Variants in SMG6 observed in about 807,000 individuals in gnomAD.
The protein encoded by SMG6 is SMG6 nonsense mediated mRNA decay factor, also known as telomerase-binding protein EST1A.
In SMG6, 66 loss-of-function variants were observed where a neutral mutation model predicts 142.2. That is an observed-to-expected ratio of 0.46 (90% CI 0.38 to 0.57). The LOEUF (loss-of-function observed/expected upper bound fraction) is 0.57, where lower values mean the gene tolerates loss of function less well. SMG6 is among the 20% of genes least tolerant of loss of function. SMG6 has a pLI of 0.00. For synonymous variants in SMG6, 779 were observed against 702.4 expected (o/e 1.11, Z -1.72); for missense variants, 1,793 against 1,832.0 (o/e 0.98, Z 0.39).
intron 17 of SMG6, 83 bp from the exon 18 acceptor site, chr17:2,065,237 G>T: frequency 7.9e-7 from 1 of 1,269,054 alleles, no homozygotes; most frequent in Non-Finnish European, 1.1e-6. Flanking sequence ...CTGCCTCGGG[G>T]GCCCTGGGCA....
chr17:2,208,876 T>C lies in SMG6; in HGVS notation c.2870-20361A>G, dbSNP rs576948561. ...TGGTACACACGTATCGTGGGATAGATAGCCGTTAAAAAGCGTAACATGTCC... is the reference window on the plus strand; with the variant it reads ...TGGTACACACGTATCGTGGGATAGACAGCCGTTAAAAAGCGTAACATGTCC... On this transcript the variant is annotated intron_variant, in intron 10 of 18. Coordinates refer to ENST00000263073, the MANE Select transcript of SMG6 (RefSeq NM_017575.5). Among the ~76,000 whole-genome samples, 8 of 152,320 alleles carry C rather than the reference T, an allele frequency of 5.3e-5. No individual in the cohort carries two copies. In the South Asian group the frequency reaches 1.5e-3, roughly 28 times the overall value.
intron 13 of SMG6, among the ~76,000 whole-genome samples, chr17:2,106,577 A>C (rs1273952340): frequency 6.6e-6 from 1 of 152,160 alleles, no homozygotes; most frequent in Admixed American, 6.6e-5. Context: ...CACAGGAATA[A>C]CTCCGAGGAC....
intron 2 of SMG6, 121 bp from the exon 3 acceptor site, chr17:2,298,176 T>G (rs1024025312): frequency 1.1e-5 from 9 of 797,190 alleles, no homozygotes; most frequent in African/African-American, 1.7e-5. Context: ...TGTGACCAGG[T>G]AGGTATACTA....
chr17:2,097,291 A>AC (rs1364704924), intron 13 of SMG6, among the ~76,000 whole-genome samples: 1 of 151,870 alleles, frequency 6.6e-6, no homozygotes, highest in East Asian at 1.9e-4. Context: ...GATAGCTGGG[A>AC]CCACAGGTGC....
chr17:2,130,748 A>T (rs1012654087), intron 13 of SMG6, among the ~76,000 whole-genome samples: 2 of 120,136 alleles, frequency 1.7e-5, no homozygotes, highest in African/African-American at 5.3e-5. Context: ...CAAGTGGTTT[A>T]AAAAAAAAAA....
At chr17:2,233,833 C>T (rs569205561) in intron 10 of SMG6, among the ~76,000 whole-genome samples, 1 of 152,324 alleles carries the variant, frequency 6.6e-6, no homozygotes, top group East Asian at 1.9e-4. Context: ...CGCCCCTGTC[C>T]CAATGGCAGC....
intron 13 of SMG6, among the ~76,000 whole-genome samples, chr17:2,116,763 C>A (rs1360773516): frequency 2.6e-5 from 4 of 151,830 alleles, no homozygotes; most frequent in Non-Finnish European, 5.9e-5. Context: ...AATAAAAACC[C>A]TGAAAAGATG....
At chr17:2,226,720 C>T (rs2073331068) in intron 10 of SMG6, among the ~76,000 whole-genome samples, 1 of 152,058 alleles carries the variant, frequency 6.6e-6, no homozygotes, top group South Asian at 2.1e-4. Flanking sequence ...CATGGTGAAA[C>T]CCCGTATCTA....
Position 2,188,552 on chromosome 17 carries a change from C to T in SMG6, c.2870-37G>A, listed in dbSNP as rs749220816. Reference sequence around the variant, plus strand: ...CAAATGAAACTCTCAGCGCCCCAGGCGGACAAGATGCACATCACTGGCCAC... The same window carrying T: ...CAAATGAAACTCTCAGCGCCCCAGGTGGACAAGATGCACATCACTGGCCAC... On this transcript the variant is annotated intron_variant, in intron 10 of 18. Transcript: ENST00000263073. 16 of 1,576,958 alleles carry T rather than the reference C, an allele frequency of 1.0e-5. No homozygotes were observed. In the Admixed American group the frequency reaches 1.9e-4, roughly 18 times the overall value.
At chr17:2,073,646 T>C (rs917992930) in intron 15 of SMG6, among the ~76,000 whole-genome samples, 30 of 142,458 alleles carry the variant, frequency 2.1e-4, no homozygotes, top group Non-Finnish European at 1.1e-4. Context: ...GCAGCAGAGG[T>C]TGCTGTGAGC....
At chr17:2,111,742 G>A (rs189746445) in intron 13 of SMG6, among the ~76,000 whole-genome samples, 67 of 152,242 alleles carry the variant, frequency 4.4e-4, no homozygotes, top group African/African-American at 1.3e-3. Flanking sequence ...GTGGTGGCTG[G>A]AGCATCAAGG....
At chr17:2,146,269 G>C (rs2070665393) in intron 13 of SMG6, among the ~76,000 whole-genome samples, 1 of 152,178 alleles carries the variant, frequency 6.6e-6, no homozygotes, top group Non-Finnish European at 1.5e-5. Context: ...AGGTGATGGG[G>C]CCAATGCATC....
At chr17:2,256,530 G>C (rs185010435) in intron 8 of SMG6, among the ~76,000 whole-genome samples, 1 of 152,328 alleles carries the variant, frequency 6.6e-6, no homozygotes, top group East Asian at 1.9e-4. Flanking sequence ...AAGAGGCTGA[G>C]GCGGGTGGAT....
chr17:2,136,729 C>CT lies in SMG6; in HGVS notation c.3357+35928dup, dbSNP rs80007193. Among the ~76,000 whole-genome samples, 580 of 141,910 alleles carry CT rather than the reference C, an allele frequency of 4.1e-3. 4 individuals are homozygous for CT. The highest frequency in any genetic ancestry group is 6.9e-3 in the African/African-American group (267 of 38,810). 93.1% of individuals were successfully genotyped at this position (141,910 alleles called of 152,430 possible). A position where few individuals can be genotyped will look rare whatever the true frequency, so the allele number is the denominator to read the frequency against. ...CCTGAAAAGGCCTCACCTTTTTTTC[C>CT]TTTTTTTTTTTTTAGCTTTTTTGTC... is the stretch of plus-strand genomic sequence containing the variant. On this transcript the variant is annotated intron_variant, in intron 13 of 18. Coordinates refer to ENST00000263073, the MANE Select transcript of SMG6 (RefSeq NM_017575.5).
Position 2,061,359 on chromosome 17 carries a change from T to G in SMG6, c.*133A>C. 1.3e-5 allele frequency: 11 copies of G among 853,714 alleles called. No homozygotes were observed. The highest frequency in any genetic ancestry group is 2.8e-5 in the East Asian group (1 of 35,416). The allele number at this position is 853,714 out of a possible 1,614,324, so 52.9% of individuals were successfully genotyped here. On this transcript the variant is annotated 3_prime_UTR_variant, in exon 19 of 19. Transcript: ENST00000263073. ...GGTCCCCCACAGCATGGCCGTGGCGTGGGTTGGAAGAGGATGGTTTATTGT... is the reference window on the plus strand; with the variant it reads ...GGTCCCCCACAGCATGGCCGTGGCGGGGGTTGGAAGAGGATGGTTTATTGT...
chr17:2,063,796 G>C (rs898012498), intron 18 of SMG6, among the ~76,000 whole-genome samples: 6 of 152,186 alleles, frequency 3.9e-5, no homozygotes, highest in Admixed American at 1.3e-4. Flanking sequence ...AGGAGAGTGT[G>C]AAGGGAGGCA....
intron 13 of SMG6, among the ~76,000 whole-genome samples, chr17:2,170,988 T>C (rs1300033242): frequency 3.9e-5 from 6 of 152,152 alleles, no homozygotes; most frequent in African/African-American, 1.4e-4. Context: ...ACAAACAGTA[T>C]ATACAGCTGG....
chr17:2,301,430 A>T (rs998497783), intron 1 of SMG6, among the ~76,000 whole-genome samples: 23 of 152,174 alleles, frequency 1.5e-4, no homozygotes, highest in Admixed American at 9.8e-4. Context: ...GTGATGATGG[A>T]ATTATTAGAA....
intron 10 of SMG6, among the ~76,000 whole-genome samples, chr17:2,213,236 CT>C (rs994529227): frequency 1.6e-4 from 24 of 152,350 alleles, no homozygotes; most frequent in African/African-American, 5.3e-4. Context: ...AAAGCACTTT[CT>C]TTTTGAGCTC....
Sources: gnomAD v4.1 joint callset for allele counts (sites outside exome capture counted in the v4.1 genomes callset) on GRCh38, gnomAD v4.1.1 for gene constraint, MANE v1.5 for transcripts, NCBI Gene and HGNC (gene_info 2026-07-23, HGNC 2026-07-21) for gene names.